The following PCDH15 variants were observed in gnomAD, a reference collection of about 807,000 sequenced individuals.
PCDH15 encodes protocadherin related 15, also known as protocadherin-15.
A neutral mutation model predicts 178.5 loss-of-function variants in PCDH15; 129 were observed. That is an observed-to-expected ratio of 0.72 (90% CI 0.63 to 0.84). The LOEUF (loss-of-function observed/expected upper bound fraction) is 0.84, where lower values mean the gene tolerates loss of function less well. PCDH15 is among the 40% of genes least tolerant of loss of function. The probability of loss-of-function intolerance (pLI) is 0.00; values close to 1 mark genes in which losing one functional copy is unlikely to be tolerated. For missense variants in PCDH15, 2,230 were observed against 2,099.9 expected (o/e 1.06, Z -1.21); for synonymous variants, 800 against 732.0 (o/e 1.09, Z -1.50).
At chr10:53,858,914 T>C (rs2078928960) in intron 27 of PCDH15, among the ~76,000 whole-genome samples, 1 of 152,136 alleles carries the variant, frequency 6.6e-6, no homozygotes, top group Non-Finnish European at 1.5e-5. Flanking sequence ...TTTATTGTTT[T>C]TGAGTTTTTA....
intron 2 of PCDH15, among the ~76,000 whole-genome samples, chr10:54,978,425 A>C: frequency 6.6e-6 from 1 of 152,158 alleles, no homozygotes; most frequent in East Asian, 1.9e-4. Flanking sequence ...TAATGTCAAT[A>C]ATGCCCAAGA....
rs528112247 is a variant in PCDH15 at position 54,430,770 on chromosome 10, G to A, written c.158-51828C>T. Among the ~76,000 whole-genome samples, 762 of 151,554 alleles carry A rather than the reference G, an allele frequency of 5.0e-3. 3 individuals are homozygous for A. The highest frequency in any genetic ancestry group is 7.9e-3 in the Non-Finnish European group (536 of 67,858). ...AAGAAAATAAATAATAAAGACAAGAGCAGAAAAAAAAATTCCAATGAAGAA... is the reference window on the plus strand; with the variant it reads ...AAGAAAATAAATAATAAAGACAAGAACAGAAAAAAAAATTCCAATGAAGAA... On this transcript the variant is annotated intron_variant, in intron 3 of 37. Transcript: ENST00000644397.
In PCDH15 at chr10:54,666,898, T is replaced by C. The variant is rs1269069025; in HGVS notation, c.-28-2608A>G. Among the ~76,000 whole-genome samples, 3 of 152,018 alleles carry C rather than the reference T, an allele frequency of 2.0e-5. No homozygotes were observed. The East Asian group carries it at 5.8e-4, about 29-fold the overall frequency. ...TATTCCTAACTGAAGCTAATTTGGT[T>C]TCATGGAACAGTCTCCAATATAAAA... is the stretch of plus-strand genomic sequence containing the variant. On this transcript the variant is annotated intron_variant, in intron 1 of 37. Coordinates refer to ENST00000644397, the MANE Select transcript of PCDH15 (RefSeq NM_001384140.1).
chr10:55,324,813 T>C (rs965216496), intron 2 of PCDH15, among the ~76,000 whole-genome samples: 3 of 152,122 alleles, frequency 2.0e-5, no homozygotes, highest in Admixed American at 6.5e-5. Context: ...ATTCTATAAA[T>C]AGAAAATCCC....
chr10:54,629,309 G>A (rs1330857676), intron 2 of PCDH15, among the ~76,000 whole-genome samples: 1 of 152,016 alleles, frequency 6.6e-6, no homozygotes, highest in Admixed American at 6.6e-5. Context: ...AGGAAGAAAG[G>A]AAGAAATGTA....
intron 32 of PCDH15, chr10:53,822,949 C>T (rs770112449): frequency 6.2e-7 from 1 of 1,614,084 alleles, no homozygotes; most frequent in Non-Finnish European, 8.5e-7. Context: ...TCTATGATCT[C>T]TGGTCTATTT....
At chr10:54,091,456 A>G (rs912633358) in intron 15 of PCDH15, among the ~76,000 whole-genome samples, 7 of 152,248 alleles carry the variant, frequency 4.6e-5, no homozygotes, top group African/African-American at 1.4e-4. Context: ...GCAGGAACGT[A>G]TTGTTCTTAG....
At chr10:54,204,796 T>C (rs889327359) in intron 10 of PCDH15, among the ~76,000 whole-genome samples, 1 of 152,074 alleles carries the variant, frequency 6.6e-6, no homozygotes, top group African/African-American at 2.4e-5. Context: ...TCTTCAACCA[T>C]CTGTGTTCAT....
chr10:55,422,719 G>T (rs540805031), intron 2 of PCDH15, among the ~76,000 whole-genome samples: 17 of 151,910 alleles, frequency 1.1e-4, no homozygotes, highest in African/African-American at 3.9e-4. Flanking sequence ...TAATCCAATG[G>T]TATGTTGTGC....
At chr10:54,890,690 G>T (rs1366785843) in intron 3 of PCDH15, among the ~76,000 whole-genome samples, 1 of 151,930 alleles carries the variant, frequency 6.6e-6, no homozygotes, top group Non-Finnish European at 1.5e-5. Flanking sequence ...CATCACTTGG[G>T]ATACCATTTG....
intron 23 of PCDH15, among the ~76,000 whole-genome samples, chr10:53,943,765 A>C (rs763906243): frequency 6.6e-6 from 1 of 152,146 alleles, no homozygotes; most frequent in Non-Finnish European, 1.5e-5. Flanking sequence ...GTTCCAGTAC[A>C]CTTGTTTCTA....
intron 3 of PCDH15, among the ~76,000 whole-genome samples, chr10:54,475,683 T>A (rs1045085228): frequency 1.3e-5 from 2 of 151,888 alleles, no homozygotes; most frequent in Non-Finnish European, 2.9e-5. Flanking sequence ...TTTATTATCA[T>A]TTTTGCATTG....
intron 15 of PCDH15, among the ~76,000 whole-genome samples, chr10:54,098,313 C>G (rs1340913208): frequency 6.6e-6 from 1 of 151,840 alleles, no homozygotes; most frequent in Non-Finnish European, 1.5e-5. Flanking sequence ...GTTCTGGGCA[C>G]ACTGATATAA....
chr10:55,368,168 C>G (rs199682399), intron 2 of PCDH15, among the ~76,000 whole-genome samples: 1 of 152,048 alleles, frequency 6.6e-6, no homozygotes, highest in African/African-American at 2.4e-5. Flanking sequence ...TTCTCTCTCA[C>G]TCTCCATTTT....
At chr10:55,354,605 A>G (rs1845028846) in intron 2 of PCDH15, among the ~76,000 whole-genome samples, 2 of 152,106 alleles carry the variant, frequency 1.3e-5, no homozygotes, top group Non-Finnish European at 2.9e-5. Flanking sequence ...TTAAAAATAT[A>G]AATTCCTGAG....
At chr10:54,520,362 T>G (rs930393319) in intron 3 of PCDH15, among the ~76,000 whole-genome samples, 79 of 151,854 alleles carry the variant, frequency 5.2e-4, no homozygotes, top group African/African-American at 1.8e-3. Context: ...CAAACAAATT[T>G]ACAAGAAAAA....
At chr10:55,357,690 T>G (rs1331919204) in intron 2 of PCDH15, among the ~76,000 whole-genome samples, 1 of 151,996 alleles carries the variant, frequency 6.6e-6, no homozygotes, top group Non-Finnish European at 1.5e-5. Flanking sequence ...TCATCTATAA[T>G]AAGACTTATC....
chr10:55,431,482 G>T (rs1295879683), intron 2 of PCDH15, among the ~76,000 whole-genome samples: 5 of 152,046 alleles, frequency 3.3e-5, no homozygotes, highest in African/African-American at 1.2e-4. Flanking sequence ...AGGTCATAAA[G>T]CTAGTAATTA....
chr10:54,568,005 TA>T (rs1360574839), intron 2 of PCDH15, among the ~76,000 whole-genome samples: 4 of 152,172 alleles, frequency 2.6e-5, no homozygotes, highest in Non-Finnish European at 4.4e-5. Context: ...AGTATACTTA[TA>T]AAAAAATAAA....
Sources: allele counts gnomAD v4.1 joint callset (sites outside exome capture counted in the v4.1 genomes callset), GRCh38; gene constraint gnomAD v4.1.1; transcripts MANE v1.5; gene names NCBI Gene and HGNC (gene_info 2026-07-23, HGNC 2026-07-21).